The following ADK variants were observed in gnomAD, a reference collection of about 807,000 sequenced individuals.
The protein encoded by ADK is adenosine kinase, also known as N6,N6-dimethyladenosine kinase.
A neutral mutation model predicts 44.7 loss-of-function variants in ADK; 24 were observed. That is an observed-to-expected ratio of 0.54 (90% confidence interval 0.39 to 0.76). The LOEUF is 0.76. Among genes scored for constraint, ADK ranks in the 30% least tolerant of loss-of-function variants. ADK has a pLI of 0.00. For synonymous variants in ADK, 128 were observed against 142.6 expected (o/e 0.90, Z 0.73); for missense variants, 321 against 425.1 (o/e 0.76, Z 2.15).
intron 9 of ADK, among the ~76,000 whole-genome samples, chr10:74,614,549 C>T (rs1340579533): frequency 6.6e-6 from 1 of 152,074 alleles, no homozygotes; most frequent in East Asian, 1.9e-4. Flanking sequence ...TGTGCCCCCT[C>T]CTAATCTTTA....
In ADK at chr10:74,396,725, G is replaced by A. The variant is rs111887799; in HGVS notation, c.447-1746G>A. Among the ~76,000 whole-genome samples, 774 of 127,830 alleles carry A rather than the reference G, an allele frequency of 6.1e-3. 12 individuals are homozygous for A. The highest frequency in any genetic ancestry group is 0.019 in the African/African-American group (716 of 38,654). The allele number at this position is 127,830 out of a possible 152,430, so 83.9% of individuals were successfully genotyped here. On this transcript the variant is annotated intron_variant, in intron 5 of 10. Coordinates refer to ENST00000539909, the MANE Select transcript of ADK (RefSeq NM_006721.4). ...TCCCAGCACTTTGGGAGGCCGAGGC[G>A]GGTGGATCATTTGAGGCCAGGAGTT...
At chr10:74,285,884 A>AT (rs1006879618) in intron 3 of ADK, among the ~76,000 whole-genome samples, 47 of 152,074 alleles carry the variant, frequency 3.1e-4, no homozygotes, top group South Asian at 6.2e-4. Flanking sequence ...TTAATCCTTT[A>AT]TTTTTTTAAT....
At chr10:74,500,067 A>G (rs761088929) in intron 6 of ADK, among the ~76,000 whole-genome samples, 12 of 152,250 alleles carry the variant, frequency 7.9e-5, no homozygotes, top group African/African-American at 1.2e-4. Flanking sequence ...TTGTAGCTGC[A>G]GAACTCTGTT....
rs537332267 is a variant in ADK, at chr10:74,391,419, CCACT to C, written c.274-2716_274-2713del. On this transcript the variant is annotated intron_variant, in intron 4 of 10. Transcript: ENST00000539909. ...CTATTCCTATTCCTCTACTCCTTTC[CCACT>C]CACTCTCATAGAAAAGCATTTTTCA... Among the ~76,000 whole-genome samples, 366 of 152,008 alleles carry C rather than the reference CCACT, an allele frequency of 2.4e-3. 2 individuals carry two copies. Among genetic ancestry groups the C allele is most frequent in the African/African-American group, 8.4e-3 (348 of 41,480 alleles).
chr10:74,614,884 G>A (rs1852691987), intron 9 of ADK, among the ~76,000 whole-genome samples: 1 of 151,922 alleles, frequency 6.6e-6, no homozygotes, highest in Non-Finnish European at 1.5e-5. Context: ...ACAGAACTTG[G>A]CAATATATGT....
At position 74,494,765 on chromosome 10, in the gene ADK, C is replaced by T. The variant is rs970141347; in HGVS notation, c.556-30491C>T. ...GCAACCTCTGCCTCCCGGGCTCAAG[C>T]GATTCTCCTGCCTCAGCCTCCCAAA... On this transcript the variant is annotated intron_variant, in intron 6 of 10. Coordinates refer to ENST00000539909, the MANE Select transcript of ADK (RefSeq NM_006721.4). Among the ~76,000 whole-genome samples, 6 of 152,134 alleles carry T rather than the reference C, an allele frequency of 3.9e-5. No homozygotes were observed. The East Asian group carries it at 5.8e-4, about 15-fold the overall frequency.
chr10:74,173,910 A>G (rs1435446828), intron 1 of ADK, among the ~76,000 whole-genome samples: 1 of 152,186 alleles, frequency 6.6e-6, no homozygotes, highest in Non-Finnish European at 1.5e-5. Context: ...CCATGTGCCA[A>G]GGATTCTATT....
chr10:74,585,482 A>T (rs1028935147), intron 7 of ADK, among the ~76,000 whole-genome samples: 8 of 152,202 alleles, frequency 5.3e-5, no homozygotes, highest in Non-Finnish European at 1.0e-4. Context: ...AAAAAGCGTT[A>T]ATGTGAAATC....
intron 6 of ADK, among the ~76,000 whole-genome samples, chr10:74,458,146 T>TTTG (rs1564733240): frequency 5.6e-5 from 6 of 106,330 alleles, no homozygotes; most frequent in African/African-American, 1.5e-4. Context: ...TTTTTTTTTT[T>TTTG]GGGGGGAGAA....
intron 10 of ADK, among the ~76,000 whole-genome samples, chr10:74,674,226 G>A (rs1243974771): frequency 1.3e-5 from 2 of 152,082 alleles, no homozygotes; most frequent in Non-Finnish European, 2.9e-5. Context: ...AACAACTGAT[G>A]CATCTATCTT....
chr10:74,706,587 A>T (rs1031032362), intron 10 of ADK, among the ~76,000 whole-genome samples: 1 of 152,206 alleles, frequency 6.6e-6, no homozygotes, highest in Non-Finnish European at 1.5e-5. Context: ...GACTCTGTTC[A>T]GTTCCATTGA....
intron 4 of ADK, among the ~76,000 whole-genome samples, chr10:74,362,117 T>G (rs1592101568): frequency 6.6e-6 from 1 of 152,184 alleles, no homozygotes; most frequent in East Asian, 1.9e-4. Context: ...TTTTCAGGTA[T>G]GGAAAGTTTT....
chr10:74,621,256 G>T (rs1346459633), intron 9 of ADK, among the ~76,000 whole-genome samples: 1 of 152,148 alleles, frequency 6.6e-6, no homozygotes, highest in Non-Finnish European at 1.5e-5. Context: ...AGAGCTAGGA[G>T]TCTAGTTCCA....
At chr10:74,328,166 C>T (rs1841084626) in intron 4 of ADK, among the ~76,000 whole-genome samples, 1 of 152,186 alleles carries the variant, frequency 6.6e-6, no homozygotes, top group Non-Finnish European at 1.5e-5. Flanking sequence ...GCCTCGGCCT[C>T]CCGAAGTGCT....
chr10:74,388,523 GT>G (rs564147339), intron 4 of ADK, among the ~76,000 whole-genome samples: 11 of 150,234 alleles, frequency 7.3e-5, no homozygotes, highest in Admixed American at 4.6e-4. Flanking sequence ...TATATAAGTT[GT>G]TTTTTTTTCC....
chr10:74,454,280 A>G (rs563235131), intron 6 of ADK, among the ~76,000 whole-genome samples: 1 of 152,292 alleles, frequency 6.6e-6, no homozygotes, highest in African/African-American at 2.4e-5. Context: ...ATTTGAAGAA[A>G]TGATCACTGG....
chr10:74,291,419 AAACAACAACAAC>A (rs1245288806), intron 3 of ADK, among the ~76,000 whole-genome samples: 1 of 151,962 alleles, frequency 6.6e-6, no homozygotes, highest in East Asian at 1.9e-4. Context: ...TCCGTCTCAA[AAACAACAACAAC>A]AACAACAACA....
At chr10:74,515,828 G>A (rs1848547370) in intron 6 of ADK, among the ~76,000 whole-genome samples, 1 of 152,124 alleles carries the variant, frequency 6.6e-6, no homozygotes, top group Admixed American at 6.6e-5. Flanking sequence ...TGGTGGTATG[G>A]CCATGGTTCT....
At chr10:74,686,905 TCA>T (rs1312592301) in intron 10 of ADK, among the ~76,000 whole-genome samples, 1 of 152,034 alleles carries the variant, frequency 6.6e-6, no homozygotes, top group Admixed American at 6.6e-5. Context: ...CTCTATATCC[TCA>T]CCTCGTGATC....
Sources: gnomAD v4.1 joint callset for allele counts (sites outside exome capture counted in the v4.1 genomes callset) on GRCh38, gnomAD v4.1.1 for gene constraint, MANE v1.5 for transcripts, NCBI Gene and HGNC (gene_info 2026-07-23, HGNC 2026-07-21) for gene names.